The following SCN11A variants were observed in gnomAD, a reference collection of about 807,000 sequenced individuals.
The protein encoded by SCN11A is sodium voltage-gated channel alpha subunit 11.
SCN11A carries 122 observed loss-of-function variants against 162.2 expected under a neutral mutation model. The ratio of observed to expected loss-of-function variants is 0.75; its 90% CI spans 0.65 to 0.87. The LOEUF (loss-of-function observed/expected upper bound fraction) is 0.87, where lower values mean the gene tolerates loss of function less well. SCN11A is among the 40% of genes least tolerant of loss of function. SCN11A has a pLI of 0.00. For missense variants in SCN11A, 2,015 were observed against 2,181.6 expected (o/e 0.92, Z 1.52); for synonymous variants, 758 against 751.5 (o/e 1.01, Z -0.14).
chr3:38,890,537 C>A (rs984946873), intron 19 of SCN11A, among the ~76,000 whole-genome samples: 1 of 152,258 alleles, frequency 6.6e-6, no homozygotes, highest in African/African-American at 2.4e-5. Flanking sequence ...GAGAGTCCCC[C>A]TGGGGTCAAA....
chr3:38,894,844 C>T lies in SCN11A; in HGVS notation c.2524G>A (p.Ala842Thr). 1.2e-6 allele frequency: 2 copies of T among 1,614,198 alleles called. No individual in the cohort carries two copies. The highest frequency in any genetic ancestry group is 1.3e-5 in the African/African-American group (1 of 75,046). Reference sequence around the variant, plus strand: ...AGAGTGTGTCTCACAAAACAAAAAGCCCGGCGGAATCGATCCAGTGCTAAC... The same window carrying T: ...AGAGTGTGTCTCACAAAACAAAAAGTCCGGCGGAATCGATCCAGTGCTAAC... ...VQLALDRFRR[A>T]FCFVRHTLEH... Residue 842 changes from alanine (A) to threonine (T), a missense_variant, in exon 19 of 30, where the codon GCT becomes ACT. Ala to Thr is a moderately conservative substitution (Grantham distance 58, BLOSUM62 0). Coordinates refer to ENST00000302328, the MANE Select transcript of SCN11A (RefSeq NM_001349253.2).
chr3:38,988,273 G>A (rs949323531), intron 2 of SCN11A, among the ~76,000 whole-genome samples: 5 of 151,986 alleles, frequency 3.3e-5, no homozygotes, highest in Non-Finnish European at 4.4e-5. Flanking sequence ...GCCCTGGGCT[G>A]AGCCACACAG....
At chr3:38,906,173 T>C (rs1168401283) in intron 14 of SCN11A, among the ~76,000 whole-genome samples, 1 of 152,208 alleles carries the variant, frequency 6.6e-6, no homozygotes, top group African/African-American at 2.4e-5. Context: ...TTATCAGGCA[T>C]ACATATCCAC....
At chr3:38,962,886 G>T (rs987030352) in intron 2 of SCN11A, among the ~76,000 whole-genome samples, 2 of 151,446 alleles carry the variant, frequency 1.3e-5, no homozygotes, top group Non-Finnish European at 2.9e-5. Context: ...TAATAATAGT[G>T]GGCTAAGGAC....
rs2064691553 is a variant in SCN11A, at chr3:38,847,458, C to T, written c.4612G>A (p.Ala1538Thr). 3.1e-6 allele frequency: 5 copies of T among 1,614,010 alleles called. No homozygotes were observed. In the South Asian group the frequency reaches 5.5e-5, roughly 18 times the overall value. Residue 1538 changes from alanine to threonine, a missense_variant, in exon 30 of 30, where the codon GCC becomes ACC. Transcript: ENST00000302328. ...IDDIFNFKTF[A>T]SSMLCLFQIS... ...TGGAAGAGACAGAGCATGCTGCTGG[C>T]AAAAGTCTTGAAGTTGAATATGTCA...
chr3:38,850,611 G>A lies in SCN11A; in HGVS notation c.4197C>T (p.Asp1399=). Residue 1399 remains aspartate, a synonymous_variant, in exon 29 of 30, where the codon GAC becomes GAT. Coordinates refer to ENST00000302328, the MANE Select transcript of SCN11A (RefSeq NM_001349253.2). Reference sequence around the variant, plus strand: ...TGACCACAAAGACCCAGTTGAGATGGTCAAGGATGGATTTCATGGCTTTGG... The same window carrying A: ...TGACCACAAAGACCCAGTTGAGATGATCAAGGATGGATTTCATGGCTTTGG... ...NQPKAMKSIL[D]HLNWVFVVIF... The A allele has an allele frequency of 5.0e-6, 8 of 1,613,942 alleles. No individual in the cohort carries two copies. Among genetic ancestry groups the A allele is most frequent in the Non-Finnish European group, 6.8e-6 (8 of 1,179,900 alleles).
chr3:38,866,492 T>C (rs1045422481), intron 27 of SCN11A, among the ~76,000 whole-genome samples: 1 of 152,230 alleles, frequency 6.6e-6, no homozygotes, highest in Non-Finnish European at 1.5e-5. Flanking sequence ...AGTGCTGGGA[T>C]TACACGCATG....
At chr3:38,904,300 G>A (rs2065755652) in intron 15 of SCN11A, among the ~76,000 whole-genome samples, 197 bp from the exon 16 acceptor site, 1 of 152,154 alleles carries the variant, frequency 6.6e-6, no homozygotes, top group Admixed American at 6.5e-5. Flanking sequence ...CATACAACTA[G>A]CATGCGGTAC....
At chr3:38,882,917 T>C (rs2065332858) in intron 22 of SCN11A, among the ~76,000 whole-genome samples, 2 of 152,172 alleles carry the variant, frequency 1.3e-5, no homozygotes, top group Non-Finnish European at 2.9e-5. Context: ...GGAAGAACTA[T>C]GTAGGATACA....
intron 4 of SCN11A, among the ~76,000 whole-genome samples, chr3:38,953,048 GT>G (rs61035387): frequency 0.15 from 23,107 of 150,206 alleles, 1,933 homozygotes; most frequent in East Asian, 0.25. Context: ...TATCAGATTT[GT>G]TTTTTTTTGT....
At chr3:38,898,099 G>C (rs1272503794) in intron 17 of SCN11A, among the ~76,000 whole-genome samples, 1 of 151,652 alleles carries the variant, frequency 6.6e-6, no homozygotes, top group Non-Finnish European at 1.5e-5. Context: ...TTAGCCAGGC[G>C]TGGTGGTGTG....
At chr3:38,869,228 C>G (rs1293163136) in intron 26 of SCN11A, among the ~76,000 whole-genome samples, 1 of 152,112 alleles carries the variant, frequency 6.6e-6, no homozygotes, top group African/African-American at 2.4e-5. Context: ...AGCCACACAC[C>G]TTGTCTACTA....
At chr3:38,907,357 TACACACACAC>T (rs376599495) in intron 14 of SCN11A, among the ~76,000 whole-genome samples, 2,280 of 128,420 alleles carry the variant, frequency 0.018, 69 homozygotes, top group African/African-American at 0.057. Flanking sequence ...TATCTATATA[TACACACACAC>T]ACACACACAC....
intron 7 of SCN11A, among the ~76,000 whole-genome samples, chr3:38,937,719 A>T (rs2066359375): frequency 6.6e-6 from 1 of 152,234 alleles, no homozygotes; most frequent in Admixed American, 6.5e-5. Context: ...TAAGTCAGGA[A>T]ACAACAGGTT....
At chr3:39,032,710 CA>C (rs2031791326) in intron 1 of SCN11A, among the ~76,000 whole-genome samples, 1 of 152,156 alleles carries the variant, frequency 6.6e-6, no homozygotes, top group South Asian at 2.1e-4. Context: ...GTTTCCTGGG[CA>C]AGCTGATTAT....
At chr3:38,993,019 C>A (rs899799946) in intron 2 of SCN11A, among the ~76,000 whole-genome samples, 9 of 152,190 alleles carry the variant, frequency 5.9e-5, no homozygotes, top group Admixed American at 5.9e-4. Flanking sequence ...GCCAATGCTG[C>A]ACTCTGCCCA....
At chr3:39,012,703 G>A (rs1341535084) in intron 2 of SCN11A, among the ~76,000 whole-genome samples, 3 of 152,096 alleles carry the variant, frequency 2.0e-5, no homozygotes, top group Admixed American at 2.0e-4. Flanking sequence ...TCAAACTCCT[G>A]ACTTCAAGTG....
At chr3:38,961,735 G>GT (rs922814712) in intron 2 of SCN11A, among the ~76,000 whole-genome samples, 2 of 151,956 alleles carry the variant, frequency 1.3e-5, no homozygotes, top group African/African-American at 2.4e-5. Context: ...GATTGTTTGG[G>GT]TTTTTTTTGT....
chr3:38,976,753 C>G (rs2066852268), intron 2 of SCN11A, among the ~76,000 whole-genome samples: 2 of 152,156 alleles, frequency 1.3e-5, no homozygotes, highest in African/African-American at 4.8e-5. Flanking sequence ...CTTAACCCTT[C>G]CCCTCTCTCT....
Sources: allele counts gnomAD v4.1 joint callset (sites outside exome capture counted in the v4.1 genomes callset), GRCh38; gene constraint gnomAD v4.1.1; transcripts MANE v1.5; gene names NCBI Gene and HGNC (gene_info 2026-07-23, HGNC 2026-07-21).